The following ESRRG variants were observed in gnomAD, a reference collection of about 807,000 sequenced individuals.
ESRRG encodes estrogen-related receptor gamma.
A neutral mutation model predicts 44.0 loss-of-function variants in ESRRG; 13 were observed. The ratio of observed to expected loss-of-function variants is 0.30; its 90% confidence interval spans 0.19 to 0.47. The LOEUF (loss-of-function observed/expected upper bound fraction) is 0.47. ESRRG is among the 20% of genes least tolerant of loss of function. The pLI is 1.00. For missense variants in ESRRG, 395 were observed against 580.6 expected (o/e 0.68, Z 3.29); for synonymous variants, 215 against 214.6 (o/e 1.00, Z -0.02).
chr1:216,625,683 T>A (rs371512052), intron 3 of ESRRG, among the ~76,000 whole-genome samples: 13 of 152,190 alleles, frequency 8.5e-5, no homozygotes, highest in African/African-American at 3.1e-4. Flanking sequence ...CCTTTTAACT[T>A]CTGTGTCTTC....
chr1:217,130,896 T>A (rs2102534717), intron 1 of ESRRG, among the ~76,000 whole-genome samples: 1 of 152,128 alleles, frequency 6.6e-6, no homozygotes, highest in East Asian at 1.9e-4. Context: ...TTATTGTCTT[T>A]TTTTTAACTA....
intron 4 of ESRRG, among the ~76,000 whole-genome samples, chr1:216,565,213 GT>G (rs1484153877): frequency 6.6e-6 from 1 of 152,146 alleles, no homozygotes; most frequent in African/African-American, 2.4e-5. Flanking sequence ...CATCAAATGT[GT>G]TTTATTGCTC....
intron 2 of ESRRG, among the ~76,000 whole-genome samples, chr1:216,767,299 A>G (rs1404291145): frequency 2.0e-5 from 3 of 151,546 alleles, no homozygotes; most frequent in Non-Finnish European, 4.4e-5. Flanking sequence ...AGGAGTGGGT[A>G]TTGGCCAAAA....
chr1:217,016,752 C>T (rs2079443719), intron 1 of ESRRG, among the ~76,000 whole-genome samples: 1 of 152,052 alleles, frequency 6.6e-6, no homozygotes, highest in Admixed American at 6.6e-5. Flanking sequence ...AGGTGTTCTG[C>T]TATATTTTGC....
chr1:216,973,948 T>C (rs1469359743), intron 1 of ESRRG, among the ~76,000 whole-genome samples: 1 of 152,094 alleles, frequency 6.6e-6, no homozygotes, highest in Non-Finnish European at 1.5e-5. Context: ...TTTAACAAAC[T>C]ATATGTTCGG....
At chr1:216,667,029 C>T (rs946465) in intron 2 of ESRRG, among the ~76,000 whole-genome samples, 107,374 of 151,924 alleles carry the variant, frequency 0.71, 40,021 homozygotes, top group Non-Finnish European at 0.82. Context: ...TTGAGTAACC[C>T]AGACGGGTCA....
At chr1:216,608,363 T>C (rs1467246283) in intron 3 of ESRRG, among the ~76,000 whole-genome samples, 3 of 152,208 alleles carry the variant, frequency 2.0e-5, no homozygotes, top group East Asian at 1.9e-4. Flanking sequence ...AAATATTTAA[T>C]ATAGGCATTC....
At chr1:216,756,539 G>C (rs951403474) in intron 2 of ESRRG, among the ~76,000 whole-genome samples, 7 of 151,942 alleles carry the variant, frequency 4.6e-5, no homozygotes, top group African/African-American at 1.2e-4. Flanking sequence ...GACAGATATA[G>C]TTCTCACAAT....
chr1:216,723,218 A>T (rs780995832), intron 1 of ESRRG, 26 bp downstream of exon 1: 8 of 1,594,220 alleles, frequency 5.0e-6, no homozygotes, highest in Non-Finnish European at 6.0e-6. Context: ...CGACGAGTTT[A>T]AAAAGGAAAG....
rs2064657117 is a variant in ESRRG at position 216,938,967 on chromosome 1, A to G, written c.-14+615T>C. The stretch of plus-strand genomic sequence containing the variant: ...GGATATTAATTGACTAATGGATGGT[A>G]TCCTGGGAATGTTAGTATTACATAA... On this transcript the variant is annotated intron_variant, in intron 2 of 7. Coordinates refer to the ESRRG transcript ENST00000359162. Among the ~76,000 whole-genome samples the G allele has an allele frequency of 2.0e-5, 3 of 152,324 alleles. No individual in the cohort carries two copies. In the South Asian group the frequency reaches 6.2e-4, roughly 32 times the overall value.
intron 2 of ESRRG, among the ~76,000 whole-genome samples, chr1:216,926,134 A>G (rs1405413534): frequency 1.3e-5 from 2 of 152,190 alleles, no homozygotes; most frequent in African/African-American, 2.4e-5. Flanking sequence ...GACTTGCCAG[A>G]CCCAAAGGAG....
rs551124766 is a variant in ESRRG at position 216,794,577 on chromosome 1, G to A, written c.-13-117086C>T. 5.5e-4 allele frequency among the ~76,000 whole-genome samples: 84 copies of A among 152,276 alleles called. No homozygotes were observed. In the Middle Eastern group the frequency reaches 0.01, roughly 18 times the overall value. The stretch of plus-strand genomic sequence containing the variant: ...CATTTGGAAACCTCTTAGGAGATGC[G>A]CTTGCTTGAGCTGACATTTACTAAC... On this transcript the variant is annotated intron_variant, in intron 2 of 7. Coordinates refer to the ESRRG transcript ENST00000359162.
intron 1 of ESRRG, among the ~76,000 whole-genome samples, chr1:216,955,694 C>T (rs539196769): frequency 6.6e-6 from 1 of 152,102 alleles, no homozygotes; most frequent in East Asian, 1.9e-4. Context: ...TCTCTGCATC[C>T]TCACCAGCAT....
intron 2 of ESRRG, among the ~76,000 whole-genome samples, chr1:216,782,997 C>G (rs868188063): frequency 6.6e-6 from 1 of 151,820 alleles, no homozygotes; most frequent in Admixed American, 6.6e-5. Context: ...TTATAAATAG[C>G]CTCATGTGTA....
At chr1:216,900,755 G>T (rs1424747573) in intron 2 of ESRRG, among the ~76,000 whole-genome samples, 1 of 152,082 alleles carries the variant, frequency 6.6e-6, no homozygotes, top group Non-Finnish European at 1.5e-5. Context: ...TACACTAAGG[G>T]CTCACAGGTA....
intron 3 of ESRRG, among the ~76,000 whole-genome samples, chr1:216,568,362 AG>A (rs1330195821): frequency 6.6e-6 from 1 of 152,238 alleles, no homozygotes; most frequent in Non-Finnish European, 1.5e-5. Context: ...AAGAAAAGGC[AG>A]ATTTCCATGT....
chr1:216,549,804 A>G (rs935484756), intron 5 of ESRRG, among the ~76,000 whole-genome samples: 4 of 152,170 alleles, frequency 2.6e-5, no homozygotes, highest in Non-Finnish European at 5.9e-5. Context: ...CCATCCAAAT[A>G]CATGAGGATG....
intron 2 of ESRRG, among the ~76,000 whole-genome samples, chr1:216,733,014 G>T (rs1359126362): frequency 6.7e-6 from 1 of 150,110 alleles, no homozygotes; most frequent in African/African-American, 2.5e-5. Flanking sequence ...GGAACCAAGA[G>T]ACTTAAAGAG....
intron 1 of ESRRG, among the ~76,000 whole-genome samples, chr1:216,991,325 A>T (rs1016229169): frequency 6.6e-6 from 1 of 152,138 alleles, no homozygotes; most frequent in Admixed American, 6.6e-5. Flanking sequence ...CTGATGTCAC[A>T]GGATTTTTCC....
Sources: allele counts gnomAD v4.1 joint callset (sites outside exome capture counted in the v4.1 genomes callset), GRCh38; gene constraint gnomAD v4.1.1; transcripts MANE v1.5; gene names NCBI Gene and HGNC (gene_info 2026-07-23, HGNC 2026-07-21).